TENM3: variants seen among roughly 807,000 people sequenced by gnomAD.
The protein encoded by TENM3 is teneurin-3.
In TENM3, 63 loss-of-function variants were observed where a neutral mutation model predicts 255.1. The ratio of observed to expected loss-of-function variants is 0.25; its 90% CI spans 0.20 to 0.30. The LOEUF is 0.30. Among genes scored for constraint, TENM3 ranks in the 10% least tolerant of loss-of-function variants. TENM3 has a pLI of 1.00. For synonymous variants in TENM3, 1,306 were observed against 1,322.3 expected (o/e 0.99, Z 0.27); for missense variants, 2,929 against 3,461.1 (o/e 0.85, Z 3.86).
the TENM3 span, among the ~76,000 whole-genome samples, chr4:181,524,413 CGT>C: frequency 2.0e-5 from 3 of 152,178 alleles, no homozygotes; most frequent in Non-Finnish European, 4.4e-5. Context: ...AAGCGAACTC[CGT>C]GTCTTTGGGA....
chr4:181,662,125 CTG>C, the TENM3 span, among the ~76,000 whole-genome samples: 2 of 152,164 alleles, frequency 1.3e-5, no homozygotes, highest in African/African-American at 4.8e-5. Flanking sequence ...ACTTCCCTGG[CTG>C]TGTTTGTTAG....
At chr4:182,364,021 C>T (rs1766221049) in intron 3 of TENM3, among the ~76,000 whole-genome samples, 1 of 151,936 alleles carries the variant, frequency 6.6e-6, no homozygotes. Flanking sequence ...TGGCAGAGTA[C>T]AAAATATGCC....
chr4:182,565,770 T>G (rs1183097007), intron 3 of TENM3, among the ~76,000 whole-genome samples: 2 of 152,202 alleles, frequency 1.3e-5, no homozygotes, highest in Non-Finnish European at 2.9e-5. Flanking sequence ...AAATTTTTCT[T>G]GACATTGTTT....
At chr4:182,132,251 G>A in the TENM3 span, among the ~76,000 whole-genome samples, 7 of 152,044 alleles carry the variant, frequency 4.6e-5, no homozygotes, top group South Asian at 6.2e-4. Context: ...AGGCTGAGGC[G>A]GGTGGATCAC....
chr4:182,195,410 G>A (rs144196005), intron 1 of TENM3, among the ~76,000 whole-genome samples: 1 of 152,224 alleles, frequency 6.6e-6, no homozygotes, highest in Non-Finnish European at 1.5e-5. Context: ...AGGCCAAAGT[G>A]GGAGGATCTC....
chr4:182,343,391 G>A (rs57151379), intron 2 of TENM3, among the ~76,000 whole-genome samples: 1,595 of 152,260 alleles, frequency 0.01, 31 homozygotes, highest in African/African-American at 0.036. Context: ...TATAAAGACC[G>A]TAAAAGGCAA....
chr4:181,708,402 T>C, the TENM3 span, among the ~76,000 whole-genome samples: 1 of 152,182 alleles, frequency 6.6e-6, no homozygotes, highest in Non-Finnish European at 1.5e-5. Context: ...TACATATAAA[T>C]TTTAATGTTT....
At chr4:182,295,917 T>C (rs1761458024) in intron 1 of TENM3, among the ~76,000 whole-genome samples, 1 of 152,172 alleles carries the variant, frequency 6.6e-6, no homozygotes, top group African/African-American at 2.4e-5. Flanking sequence ...AATTAAGTTA[T>C]AGTTAAGTGA....
chr4:181,677,700 C>G, the TENM3 span, among the ~76,000 whole-genome samples: 1 of 152,018 alleles, frequency 6.6e-6, no homozygotes, highest in African/African-American at 2.4e-5. Context: ...GAATTGAATG[C>G]CTTTTCGTTT....
intron 4 of TENM3, among the ~76,000 whole-genome samples, chr4:182,608,783 A>G (rs1015786822): frequency 6.6e-5 from 10 of 152,134 alleles, no homozygotes; most frequent in African/African-American, 2.4e-4. Context: ...AAGCCAGGCC[A>G]CAGGCGGTCC....
At chr4:182,334,938 A>C (rs1025801141) in intron 2 of TENM3, among the ~76,000 whole-genome samples, 3 of 152,166 alleles carry the variant, frequency 2.0e-5, no homozygotes, top group Admixed American at 1.3e-4. Context: ...ATAAAACACG[A>C]AGTCCAGAGA....
chr4:182,696,279 A>G (rs1233736577), intron 12 of TENM3, among the ~76,000 whole-genome samples: 3 of 152,238 alleles, frequency 2.0e-5, no homozygotes, highest in Admixed American at 1.3e-4. Context: ...TGAAAAGTAA[A>G]CTATCGCATA....
At chr4:182,387,414 C>T (rs553096862) in intron 3 of TENM3, among the ~76,000 whole-genome samples, 16 of 152,224 alleles carry the variant, frequency 1.1e-4, no homozygotes, top group African/African-American at 2.9e-4. Context: ...GGATTGTAAA[C>T]GCACCAATCA....
At chr4:182,061,689 C>T in the TENM3 span, among the ~76,000 whole-genome samples, 72 of 152,198 alleles carry the variant, frequency 4.7e-4, no homozygotes, top group Middle Eastern at 3.4e-3. Flanking sequence ...CTGGGCGTGG[C>T]TGCTCACGCC....
At chr4:181,762,821 A>G in the TENM3 span, among the ~76,000 whole-genome samples, 2 of 152,228 alleles carry the variant, frequency 1.3e-5, no homozygotes, top group East Asian at 3.9e-4. Context: ...CAGATTCTTG[A>G]TTAGATTTTA....
At chr4:181,702,732 T>C in the TENM3 span, among the ~76,000 whole-genome samples, 1 of 152,214 alleles carries the variant, frequency 6.6e-6, no homozygotes, top group East Asian at 1.9e-4. Context: ...TTAGTCCTCA[T>C]TGCATATACA....
the TENM3 span, among the ~76,000 whole-genome samples, chr4:181,739,011 C>A: frequency 9.9e-5 from 15 of 152,240 alleles, no homozygotes; most frequent in African/African-American, 2.9e-4. Context: ...AGGGCACACT[C>A]ACTCCGTCAC....
At chr4:182,602,819 T>C (rs1318703703) in intron 4 of TENM3, among the ~76,000 whole-genome samples, 3 of 152,198 alleles carry the variant, frequency 2.0e-5, no homozygotes, top group Non-Finnish European at 1.5e-5. Context: ...ACTATTGTCA[T>C]TTGGAAAAAA....
intron 3 of TENM3, among the ~76,000 whole-genome samples, chr4:182,394,778 T>C (rs1396803281): frequency 2.0e-5 from 3 of 152,272 alleles, no homozygotes; most frequent in Non-Finnish European, 2.9e-5. Flanking sequence ...AAACAATGGA[T>C]TGTCTAAATT....
Sources: gnomAD v4.1 joint callset for allele counts (sites outside exome capture counted in the v4.1 genomes callset) on GRCh38, gnomAD v4.1.1 for gene constraint, MANE v1.5 for transcripts, NCBI Gene and HGNC (gene_info 2026-07-23, HGNC 2026-07-21) for gene names.